The following NR5A2 variants were observed in gnomAD, a reference collection of about 807,000 sequenced individuals.
NR5A2 encodes CYP7A promoter-binding factor.
A neutral mutation model predicts 62.7 loss-of-function variants in NR5A2; 26 were observed. The observed-to-expected ratio is 0.41, with a 90% confidence interval of 0.30 to 0.58. NR5A2 has a LOEUF of 0.58. Ranked by LOEUF, NR5A2 falls within the 20% of genes least tolerant of loss-of-function variation. The pLI, the probability that NR5A2 is intolerant of heterozygous loss-of-function variation, is 0.22. For synonymous variants in NR5A2, 246 were observed against 241.7 expected, an observed-to-expected ratio of 1.02 and a Z score of -0.16; for missense variants, 541 against 669.1, an observed-to-expected ratio of 0.81 and a Z score of 2.11.
intron 7 of NR5A2, among the ~76,000 whole-genome samples, chr1:200,139,639 T>A (rs1011314896): frequency 6.6e-6 from 1 of 152,268 alleles, no homozygotes. Context: ...CAGTTGACGA[T>A]TTTATTCATC....
At chr1:200,060,306 C>G (rs183797507) in intron 5 of NR5A2, among the ~76,000 whole-genome samples, 1 of 152,134 alleles carries the variant, frequency 6.6e-6, no homozygotes, top group Non-Finnish European at 1.5e-5. Flanking sequence ...GAAGGCAACT[C>G]GTTCCCTACA....
intron 5 of NR5A2, among the ~76,000 whole-genome samples, chr1:200,049,438 G>T (rs1662528431): frequency 6.6e-6 from 1 of 152,142 alleles, no homozygotes; most frequent in Non-Finnish European, 1.5e-5. Flanking sequence ...ACTTGGTTTG[G>T]GTTGTAGTTC....
Position 200,053,569 on chromosome 1 carries a change from GCACA to G in NR5A2, c.1110+4786_1110+4789del, listed in dbSNP as rs34611924. On this transcript the variant is annotated intron_variant, in intron 5 of 7. Coordinates refer to ENST00000367362, the MANE Select transcript of NR5A2 (RefSeq NM_205860.3). ...CCCTCATCCCCCCCAGCATGCACAC[GCACA>G]CACACACACACACACACACACACAC... 5.3e-3 allele frequency among the ~76,000 whole-genome samples: 757 copies of G among 142,078 alleles called. 3 individuals are homozygous for G. Among genetic ancestry groups the G allele is most frequent in the African/African-American group, 9.0e-3 (340 of 37,668 alleles). The allele number at this position is 142,078 out of a possible 152,430, so 93.2% of individuals were successfully genotyped here.
At chr1:200,128,813 G>A (rs967203912) in intron 7 of NR5A2, among the ~76,000 whole-genome samples, 3 of 152,116 alleles carry the variant, frequency 2.0e-5, no homozygotes, top group African/African-American at 4.8e-5. Flanking sequence ...CTTGCAATAT[G>A]ACACTGACAT....
At chr1:200,132,297 A>C (rs1667000011) in intron 7 of NR5A2, among the ~76,000 whole-genome samples, 1 of 152,174 alleles carries the variant, frequency 6.6e-6, no homozygotes, top group African/African-American at 2.4e-5. Context: ...GGTGTGAGCC[A>C]ATGTGCCCGG....
At chr1:200,134,757 GATTT>G (rs946132273) in intron 7 of NR5A2, among the ~76,000 whole-genome samples, 3 of 152,288 alleles carry the variant, frequency 2.0e-5, no homozygotes, top group African/African-American at 7.2e-5. Flanking sequence ...TTTAAGTGCA[GATTT>G]ATTTAATTTT....
At chr1:200,110,372 C>T (rs540410689) in intron 5 of NR5A2, among the ~76,000 whole-genome samples, 10 of 152,218 alleles carry the variant, frequency 6.6e-5, no homozygotes, top group Non-Finnish European at 1.3e-4. Flanking sequence ...TATTTAAATA[C>T]GAGGACTGGA....
intron 5 of NR5A2, among the ~76,000 whole-genome samples, chr1:200,051,145 AAAC>A (rs1354851547): frequency 3.9e-5 from 6 of 152,220 alleles, no homozygotes; most frequent in Admixed American, 1.3e-4. Context: ...ACGTTGAATA[AAAC>A]AACATGTTTC....
chr1:200,131,920 C>T (rs1666983531), intron 7 of NR5A2, among the ~76,000 whole-genome samples: 1 of 152,166 alleles, frequency 6.6e-6, no homozygotes, highest in African/African-American at 2.4e-5. Flanking sequence ...AGTACAAGGC[C>T]TCTCATCAGT....
chr1:200,035,068 T>C (rs554489415), intron 1 of NR5A2, among the ~76,000 whole-genome samples: 7 of 152,104 alleles, frequency 4.6e-5, no homozygotes, highest in African/African-American at 1.4e-4. Flanking sequence ...GTTTTTCGGC[T>C]GGGAGGGGCG....
chr1:200,103,328 T>G (rs983668146), intron 5 of NR5A2, among the ~76,000 whole-genome samples: 2 of 152,102 alleles, frequency 1.3e-5, no homozygotes, highest in African/African-American at 4.8e-5. Context: ...TTTCACCATG[T>G]TGGCCAGGCC....
chr1:200,055,974 G>A (rs1055720257), intron 5 of NR5A2, among the ~76,000 whole-genome samples: 1 of 152,168 alleles, frequency 6.6e-6, no homozygotes, highest in African/African-American at 2.4e-5. Context: ...TGGAGAGAAT[G>A]TTGGAATCAG....
intron 5 of NR5A2, among the ~76,000 whole-genome samples, chr1:200,099,351 T>C (rs1225743198): frequency 2.6e-5 from 4 of 152,114 alleles, no homozygotes; most frequent in Non-Finnish European, 5.9e-5. Context: ...GCCTTTTTTT[T>C]TTTTTCCTGG....
At chr1:200,160,828 TA>T (rs757436744) in intron 7 of NR5A2, among the ~76,000 whole-genome samples, 1 of 151,956 alleles carries the variant, frequency 6.6e-6, no homozygotes, top group Non-Finnish European at 1.5e-5. Flanking sequence ...TTTCATATGA[TA>T]ACGTTGGTTT....
intron 1 of NR5A2, among the ~76,000 whole-genome samples, chr1:200,036,966 TC>T (rs1661807265): frequency 6.6e-6 from 1 of 152,180 alleles, no homozygotes; most frequent in South Asian, 2.1e-4. Context: ...CAGCCACCGT[TC>T]CCTCCCGCAC....
At chr1:200,090,403 A>G (rs1270709038) in intron 5 of NR5A2, among the ~76,000 whole-genome samples, 2 of 152,220 alleles carry the variant, frequency 1.3e-5, no homozygotes, top group Non-Finnish European at 2.9e-5. Flanking sequence ...CCACAAATAC[A>G]CATTCCATTT....
At chr1:200,159,079 A>G (rs1262931342) in intron 7 of NR5A2, among the ~76,000 whole-genome samples, 2 of 151,568 alleles carry the variant, frequency 1.3e-5, no homozygotes, top group East Asian at 3.9e-4. Flanking sequence ...ATTTTTTGTC[A>G]AAATGGGATC....
chr1:200,081,247 T>C (rs1347305852), intron 5 of NR5A2, among the ~76,000 whole-genome samples: 3 of 152,242 alleles, frequency 2.0e-5, no homozygotes, highest in African/African-American at 7.2e-5. Flanking sequence ...GGCATGCTTT[T>C]CAATCACAGA....
intron 5 of NR5A2, among the ~76,000 whole-genome samples, chr1:200,052,580 A>G (rs976478120): frequency 2.0e-5 from 3 of 151,910 alleles, no homozygotes; most frequent in Non-Finnish European, 2.9e-5. Context: ...TACCTCTAAA[A>G]CCCAAAGATG....
Sources: allele counts gnomAD v4.1 joint callset (sites outside exome capture counted in the v4.1 genomes callset), GRCh38; gene constraint gnomAD v4.1.1; transcripts MANE v1.5; gene names NCBI Gene and HGNC (gene_info 2026-07-23, HGNC 2026-07-21).